The following MRPS5 variants were observed in gnomAD, a reference collection of about 807,000 sequenced individuals.
MRPS5 encodes the protein small ribosomal subunit protein uS5m.
In MRPS5, 27 loss-of-function variants were observed where a neutral mutation model predicts 51.9. The observed-to-expected ratio is 0.52, with a 90% CI of 0.38 to 0.72. MRPS5 has a LOEUF of 0.72. MRPS5 is among the 30% of genes least tolerant of loss of function. The pLI is 0.00. For synonymous variants in MRPS5, 196 were observed against 193.2 expected (o/e 1.01, Z -0.12); for missense variants, 570 against 545.7 (o/e 1.04, Z -0.44).
At chr2:95,115,614 C>T (rs1676264625) in intron 2 of MRPS5, among the ~76,000 whole-genome samples, 2 of 152,254 alleles carry the variant, frequency 1.3e-5, no homozygotes, top group Admixed American at 6.5e-5. Context: ...TGTACACTAT[C>T]CTACTCTTCA....
chr2:95,115,534 C>T (rs2104428008), intron 2 of MRPS5, among the ~76,000 whole-genome samples: 1 of 152,310 alleles, frequency 6.6e-6, no homozygotes, highest in African/African-American at 2.4e-5. Flanking sequence ...CTGCTGTAAA[C>T]AGCCAGCAAC....
chr2:95,121,905 C>G (rs1160993088), upstream of MRPS5: 1 of 1,210,580 alleles, frequency 8.3e-7, no homozygotes, highest in African/African-American at 1.6e-5. Context: ...TCCTGAGGCC[C>G]GAGTCCACGC....
Position 95,118,030 on chromosome 2 carries a change from T to C in MRPS5, c.59-85A>G, listed in dbSNP as rs981891445. 10 of 1,021,092 alleles carry C rather than the reference T, an allele frequency of 9.8e-6. No individual in the cohort carries two copies. The Admixed American group carries it at 2.1e-4, about 21-fold the overall frequency. The allele number at this position is 1,021,092 out of a possible 1,614,324, so 63.3% of individuals were successfully genotyped here. A position where few individuals can be genotyped will look rare whatever the true frequency, so the allele number is the denominator to read the frequency against. ...CAGTAACACCCACAAAATATATCTATAGAATAAAGAACCAAGACGAGGGAG... is the reference window on the plus strand; with the variant it reads ...CAGTAACACCCACAAAATATATCTACAGAATAAAGAACCAAGACGAGGGAG... On this transcript the variant is annotated intron_variant, in intron 1 of 11. Coordinates refer to ENST00000272418, the MANE Select transcript of MRPS5 (RefSeq NM_031902.5).
rs1675306348 is a variant in MRPS5, at chr2:95,086,918, T to C, written c.*439A>G. ...CCCAATAGTAGCCTACAACTTCCAT[T>C]TCCACTGTGGAAAACGGTTTGGAAG... is the stretch of plus-strand genomic sequence containing the variant. On this transcript the variant is annotated 3_prime_UTR_variant, in exon 12 of 12. Coordinates refer to ENST00000272418, the MANE Select transcript of MRPS5 (RefSeq NM_031902.5). Among the ~76,000 whole-genome samples the C allele has an allele frequency of 1.3e-5, 2 of 152,198 alleles. No homozygotes were observed. Among genetic ancestry groups the C allele is most frequent in the African/African-American group, 4.8e-5 (2 of 41,444 alleles).
At chr2:95,101,016 T>A in intron 8 of MRPS5, 122 bp from the exon 9 acceptor site, 1 of 749,120 alleles carries the variant, frequency 1.3e-6, no homozygotes, top group East Asian at 2.7e-5. Context: ...AAGGTTAGTA[T>A]ATACTTCTAA....
intron 7 of MRPS5, 34 bp downstream of exon 7, chr2:95,104,606 C>A: frequency 6.2e-7 from 1 of 1,609,188 alleles, no homozygotes; most frequent in Non-Finnish European, 8.5e-7. Context: ...CCCTGCACAC[C>A]ACCGCCACTG....
At chr2:95,108,728 G>A (rs536256131) in intron 4 of MRPS5, among the ~76,000 whole-genome samples, 5 of 152,244 alleles carry the variant, frequency 3.3e-5, no homozygotes, top group African/African-American at 4.8e-5. Context: ...GAACCACAGC[G>A]TCTCCAGCAT....
At chr2:95,088,177 T>G (rs570868434) in intron 11 of MRPS5, among the ~76,000 whole-genome samples, 12 of 152,306 alleles carry the variant, frequency 7.9e-5, no homozygotes, top group South Asian at 4.1e-4. Flanking sequence ...CTCATTTGTA[T>G]GAACATTGAT....
intron 7 of MRPS5, among the ~76,000 whole-genome samples, chr2:95,103,012 T>C (rs2104410368): frequency 6.6e-6 from 1 of 152,186 alleles, no homozygotes; most frequent in South Asian, 2.1e-4. Flanking sequence ...CAAAACAAAT[T>C]AAACCATGGA....
upstream of MRPS5, chr2:95,121,945 C>T (rs558100361): frequency 1.1e-4 from 96 of 877,194 alleles, no homozygotes; most frequent in African/African-American, 1.6e-3. Context: ...AGGGACTGTC[C>T]GGACGGGCCA....
At chr2:95,106,769 C>G (rs78186627) in intron 5 of MRPS5, 1 of 429,080 alleles carries the variant, frequency 2.3e-6, no homozygotes, top group South Asian at 2.5e-5. Context: ...GGCCTCTCCC[C>G]CTAGGCCAAG....
At chr2:95,104,363 A>G in intron 7 of MRPS5, 1 of 428,902 alleles carries the variant, frequency 2.3e-6, no homozygotes, top group South Asian at 2.3e-5. Context: ...TTTCTCCCTA[A>G]TTTTCCACTA....
chr2:95,090,627 G>T, intron 10 of MRPS5, 105 bp from the exon 11 acceptor site: 1 of 1,345,782 alleles, frequency 7.4e-7, no homozygotes, highest in Non-Finnish European at 1.0e-6. Flanking sequence ...CGGGAAACTG[G>T]TTCATATTCT....
chr2:95,104,683 C>A lies in MRPS5; in HGVS notation c.720G>T (p.Ser240=), dbSNP rs374549779. 1 of 1,614,028 alleles carries A rather than the reference C, an allele frequency of 6.2e-7. No individual in the cohort carries two copies. Among genetic ancestry groups the A allele is most frequent in the South Asian group, 1.1e-5 (1 of 91,068 alleles). Reference sequence around the variant, plus strand: ...TCCCCACAGCCACCAAGACACGGATCGATTTCTTTCTTCCCTCTTTCGCAG... The same window carrying A: ...TCCCCACAGCCACCAAGACACGGATAGATTTCTTTCTTCCCTCTTTCGCAG... ...TMTAKEGRKK[S]IRVLVAVGNG... Residue 240 remains serine (S), a synonymous_variant, in exon 7 of 12, where the codon TCG becomes TCT. Transcript: ENST00000272418.
At chr2:95,119,393 T>C (rs1408031420) in intron 1 of MRPS5, among the ~76,000 whole-genome samples, 1 of 152,100 alleles carries the variant, frequency 6.6e-6, no homozygotes, top group Non-Finnish European at 1.5e-5. Flanking sequence ...GAGGACTGCT[T>C]GAGCCCAGGA....
chr2:95,117,797 T>G (rs1462936855), intron 2 of MRPS5, 68 bp downstream of exon 2: 17 of 1,339,588 alleles, frequency 1.3e-5, no homozygotes, highest in Non-Finnish European at 1.8e-5. Flanking sequence ...CTTATATTTT[T>G]TAAAACTACA....
At chr2:95,093,952 G>C (rs1249054057) in intron 10 of MRPS5, among the ~76,000 whole-genome samples, 2 of 152,170 alleles carry the variant, frequency 1.3e-5, no homozygotes, top group African/African-American at 4.8e-5. Context: ...AAAGGAGAAT[G>C]TTCAAACCCC....
intron 11 of MRPS5, 129 bp from the exon 12 acceptor site, chr2:95,087,710 A>C (rs150049678): frequency 1.3e-6 from 1 of 772,192 alleles, no homozygotes; most frequent in African/African-American, 1.8e-5. Context: ...ATTTGGGTTA[A>C]TGTGTTTTGT....
At chr2:95,110,259 TCTCA>T (rs1178191498) in intron 3 of MRPS5, among the ~76,000 whole-genome samples, 1 of 152,176 alleles carries the variant, frequency 6.6e-6, no homozygotes, top group Non-Finnish European at 1.5e-5. Flanking sequence ...TCCACAAAAC[TCTCA>T]CTAAATATTT....
Sources: allele counts gnomAD v4.1 joint callset (sites outside exome capture counted in the v4.1 genomes callset), GRCh38; gene constraint gnomAD v4.1.1; transcripts MANE v1.5; gene names NCBI Gene and HGNC (gene_info 2026-07-23, HGNC 2026-07-21).